The following SUN3 variants were observed in gnomAD, a reference collection of about 807,000 sequenced individuals.
SUN3 encodes the protein Sad1 and UNC84 domain containing 3.
Under a neutral mutation model 48.2 loss-of-function variants are expected in SUN3, and 36 were observed. That is an observed-to-expected ratio of 0.75 (90% CI 0.57 to 0.99). SUN3 has a LOEUF of 0.99. Ranked by LOEUF, SUN3 falls within the 50% of genes least tolerant of loss-of-function variation. SUN3 has a pLI of 0.00. For missense variants in SUN3, 419 were observed against 433.1 expected (o/e 0.97, Z 0.29); for synonymous variants, 148 against 147.9 (o/e 1.00, Z 0.00).
upstream of SUN3, among the ~76,000 whole-genome samples, chr7:48,033,255 A>G (rs1753335428): frequency 6.6e-6 from 1 of 152,214 alleles, no homozygotes; most frequent in Non-Finnish European, 1.5e-5. Flanking sequence ...TGTAATTTCA[A>G]TCACACTGCA....
chr7:48,016,463 T>C (rs1032712353), intron 3 of SUN3, among the ~76,000 whole-genome samples: 1 of 152,098 alleles, frequency 6.6e-6, no homozygotes, highest in African/African-American at 2.4e-5. Flanking sequence ...GCCACCCTCC[T>C]CCCTCCAATC....
At chr7:48,008,652 T>A (rs1789598835) in intron 4 of SUN3, among the ~76,000 whole-genome samples, 1 of 152,228 alleles carries the variant, frequency 6.6e-6, no homozygotes, top group Non-Finnish European at 1.5e-5. Context: ...TACTGTTTGG[T>A]GTTTAAAATT....
intron 2 of SUN3, among the ~76,000 whole-genome samples, chr7:48,022,368 C>G (rs2128783067): frequency 6.6e-6 from 1 of 152,094 alleles, no homozygotes; most frequent in Admixed American, 6.5e-5. Context: ...CAATGGGTGA[C>G]TACAGTAAAA....
At chr7:47,993,575 A>G (rs907761747) in intron 8 of SUN3, among the ~76,000 whole-genome samples, 2 of 152,258 alleles carry the variant, frequency 1.3e-5, no homozygotes, top group African/African-American at 4.8e-5. Context: ...CACACATTAT[A>G]AATGATTCAA....
rs184710452 is a variant in SUN3, at chr7:48,011,513, A to G, written c.289-2438T>C. ...GTGAATTTGGGAGCTTATCATTGGT[A>G]GATAGAGATTCTCACTTCTAGTTTT... On this transcript the variant is annotated intron_variant, in intron 3 of 9. Coordinates refer to ENST00000297325, the MANE Select transcript of SUN3 (RefSeq NM_001030019.2). Among the ~76,000 whole-genome samples, 316 of 152,304 alleles carry G rather than the reference A, an allele frequency of 2.1e-3. 5 individuals carry two copies. The highest frequency in any genetic ancestry group is 5.7e-4 in the Non-Finnish European group (39 of 68,026).
chr7:48,018,998 C>A (rs900689114), intron 2 of SUN3, among the ~76,000 whole-genome samples: 1 of 151,928 alleles, frequency 6.6e-6, no homozygotes, highest in African/African-American at 2.4e-5. Flanking sequence ...TGAAAGAAAC[C>A]AAATATAAAC....
intron 8 of SUN3, among the ~76,000 whole-genome samples, chr7:47,991,800 G>C (rs1488649548): frequency 6.6e-6 from 1 of 152,128 alleles, no homozygotes; most frequent in Non-Finnish European, 1.5e-5. Context: ...GTGAAAGCGT[G>C]AGGGGGAGTG....
upstream of SUN3, among the ~76,000 whole-genome samples, chr7:48,029,691 A>G (rs557218415): frequency 2.0e-5 from 3 of 152,288 alleles, no homozygotes; most frequent in Non-Finnish European, 2.9e-5. Flanking sequence ...ACGTTGTTAT[A>G]TGCACATCAC....
At chr7:48,007,971 A>G (rs192925519) in intron 4 of SUN3, among the ~76,000 whole-genome samples, 202 of 152,146 alleles carry the variant, frequency 1.3e-3, no homozygotes, top group African/African-American at 4.8e-3. Flanking sequence ...TAACAGGCAC[A>G]TGCCACCGCG....
intron 3 of SUN3, among the ~76,000 whole-genome samples, chr7:48,011,785 G>A (rs1467064860): frequency 6.6e-6 from 1 of 152,042 alleles, no homozygotes; most frequent in Non-Finnish European, 1.5e-5. Flanking sequence ...AGAACATGTA[G>A]GACAAAACAG....
chr7:48,002,866 T>C (rs1789425104), intron 6 of SUN3, among the ~76,000 whole-genome samples: 1 of 152,222 alleles, frequency 6.6e-6, no homozygotes, highest in African/African-American at 2.4e-5. Context: ...TTTCTAAATA[T>C]AGGATTATGT....
chr7:48,014,940 C>T (rs1185290634), intron 3 of SUN3, among the ~76,000 whole-genome samples: 2 of 152,116 alleles, frequency 1.3e-5, no homozygotes, highest in African/African-American at 4.8e-5. Context: ...ATTCTTAAGA[C>T]TTTAAAATGC....
chr7:48,029,147 G>A (rs1303419641), upstream of SUN3: 4 of 638,338 alleles, frequency 6.3e-6, no homozygotes, highest in Non-Finnish European at 1.0e-5. Flanking sequence ...ACCTCATAAT[G>A]CAGATGGCCA....
At chr7:48,029,421 T>A (rs1481978495), upstream of SUN3, among the ~76,000 whole-genome samples, 2 of 152,228 alleles carry the variant, frequency 1.3e-5, no homozygotes, top group Non-Finnish European at 2.9e-5. Context: ...ATTGATATAC[T>A]CTATTCTCAT....
chr7:47,998,724 T>C lies in SUN3; in HGVS notation c.578-2578A>G, dbSNP rs917806380. The stretch of plus-strand genomic sequence containing the variant: ...GGGGTTAATTTTTATAGATTGTGGG[T>C]TTTGGGCCAAGGCTTTTTTTTATTT... On this transcript the variant is annotated intron_variant, in intron 6 of 9. Coordinates refer to ENST00000297325, the MANE Select transcript of SUN3 (RefSeq NM_001030019.2). Among the ~76,000 whole-genome samples, 3 of 152,140 alleles carry C rather than the reference T, an allele frequency of 2.0e-5. No individual in the cohort carries two copies. In the South Asian group the frequency reaches 6.2e-4, roughly 31 times the overall value.
intron 8 of SUN3, chr7:47,990,901 G>A (rs901629199): frequency 2.6e-6 from 1 of 379,206 alleles, no homozygotes; most frequent in African/African-American, 2.5e-5. Context: ...GCTAAATAAT[G>A]AGAACACATG....
intron 8 of SUN3, 199 bp from the exon 9 acceptor site, chr7:47,989,079 A>G (rs1372535637): frequency 5.0e-6 from 2 of 399,276 alleles, no homozygotes; most frequent in Non-Finnish European, 4.5e-6. Context: ...GACTGACTAA[A>G]AGGATAGAAG....
At chr7:48,035,571 G>A in the SUN3 span, 3 of 697,708 alleles carry the variant, frequency 4.3e-6, no homozygotes, top group East Asian at 2.7e-5. This position sits in a 1 kb window ranked among gnomAD's most constrained non-coding sequence, Gnocchi z 4.0. Flanking sequence ...CCAGCCAGCC[G>A]TGTAAAAACT....
At chr7:48,009,674 G>A (rs1420544917) in intron 3 of SUN3, among the ~76,000 whole-genome samples, 1 of 152,158 alleles carries the variant, frequency 6.6e-6, no homozygotes, top group African/African-American at 2.4e-5. Context: ...GACGGTCTTG[G>A]TGGTGCCCAA....
Sources: allele counts gnomAD v4.1 joint callset (sites outside exome capture counted in the v4.1 genomes callset), GRCh38; gene constraint gnomAD v4.1.1; non-coding constraint Gnocchi (gnomAD v3.1); transcripts MANE v1.5; gene names NCBI Gene and HGNC (gene_info 2026-07-23, HGNC 2026-07-21).